GALNTL6: variants seen among roughly 807,000 people sequenced by gnomAD.
The protein encoded by GALNTL6 is polypeptide N-acetylgalactosaminyltransferase-like 6.
In GALNTL6, 46 loss-of-function variants were observed where a neutral mutation model predicts 73.7. That is an observed-to-expected ratio of 0.62 (90% CI 0.49 to 0.80). The LOEUF (loss-of-function observed/expected upper bound fraction) is 0.80. GALNTL6 is among the 30% of genes least tolerant of loss of function. GALNTL6 has a pLI of 0.00. For synonymous variants in GALNTL6, 259 were observed against 263.7 expected, an observed-to-expected ratio of 0.98 and a Z score of 0.17; for missense variants, 604 against 755.0, an observed-to-expected ratio of 0.80 and a Z score of 2.34.
intron 5 of GALNTL6, among the ~76,000 whole-genome samples, chr4:172,351,587 T>G (rs1323123565): frequency 6.6e-6 from 1 of 152,160 alleles, no homozygotes; most frequent in Non-Finnish European, 1.5e-5. Flanking sequence ...TTTATTCTGA[T>G]GCATCTGTAG....
chr4:171,821,012 G>C (rs1734664057), intron 2 of GALNTL6, among the ~76,000 whole-genome samples: 1 of 151,558 alleles, frequency 6.6e-6, no homozygotes, highest in Non-Finnish European at 1.5e-5. Flanking sequence ...TTTTAGTGAG[G>C]TGGCCTTTCC....
chr4:172,922,899 T>C (rs1314465522), intron 8 of GALNTL6, among the ~76,000 whole-genome samples: 2 of 152,136 alleles, frequency 1.3e-5, no homozygotes, highest in Non-Finnish European at 2.9e-5. Flanking sequence ...CAAGTGTTAT[T>C]GTTAGAGTAG....
At chr4:172,485,187 CT>C (rs1451788105) in intron 5 of GALNTL6, among the ~76,000 whole-genome samples, 2 of 152,034 alleles carry the variant, frequency 1.3e-5, no homozygotes, top group African/African-American at 4.8e-5. Flanking sequence ...CGTATTGTCT[CT>C]AGTTTTCTAC....
At chr4:171,950,543 C>T (rs568388054) in intron 2 of GALNTL6, among the ~76,000 whole-genome samples, 13 of 147,706 alleles carry the variant, frequency 8.8e-5, no homozygotes, top group African/African-American at 2.5e-4. Flanking sequence ...TGCAGTGGCT[C>T]GATCTTGGCT....
At chr4:172,067,286 A>C (rs1251582200) in intron 2 of GALNTL6, among the ~76,000 whole-genome samples, 1 of 152,026 alleles carries the variant, frequency 6.6e-6, no homozygotes, top group Admixed American at 6.6e-5. Flanking sequence ...CAGTCTTCTA[A>C]ATATTGAGGT....
At chr4:172,895,990 G>A (rs145411869) in intron 8 of GALNTL6, among the ~76,000 whole-genome samples, 26 of 152,084 alleles carry the variant, frequency 1.7e-4, no homozygotes, top group African/African-American at 4.3e-4. Context: ...CAATCTCTCC[G>A]TTAAATTTCT....
chr4:172,175,845 T>G (rs2110834402), intron 2 of GALNTL6, among the ~76,000 whole-genome samples: 1 of 152,320 alleles, frequency 6.6e-6, no homozygotes, highest in Non-Finnish European at 1.5e-5. Context: ...CTTGTCTCAC[T>G]TTCTTTCCCT....
chr4:172,597,670 G>A (rs1269091748), intron 5 of GALNTL6, among the ~76,000 whole-genome samples: 4 of 152,094 alleles, frequency 2.6e-5, no homozygotes, highest in African/African-American at 9.7e-5. Flanking sequence ...TTCATAATGA[G>A]AAAATCTCTA....
intron 3 of GALNTL6, among the ~76,000 whole-genome samples, chr4:172,250,094 C>G (rs1167908534): frequency 1.3e-5 from 2 of 152,124 alleles, no homozygotes; most frequent in African/African-American, 4.8e-5. Context: ...GAGCTGTACC[C>G]TGCAAAGCCG....
At chr4:172,477,702 G>A (rs1044303449) in intron 5 of GALNTL6, among the ~76,000 whole-genome samples, 34 of 152,120 alleles carry the variant, frequency 2.2e-4, no homozygotes, top group African/African-American at 8.2e-4. Flanking sequence ...TAACAAAACA[G>A]GAGAGTAAAC....
chr4:171,972,332 A>T (rs919677048), intron 2 of GALNTL6, among the ~76,000 whole-genome samples: 1 of 152,168 alleles, frequency 6.6e-6, no homozygotes, highest in African/African-American at 2.4e-5. Flanking sequence ...ATATTTCATA[A>T]ATCATTTCAA....
chr4:172,513,171 T>C lies in GALNTL6; in HGVS notation c.553+164482T>C, dbSNP rs183971711. Among the ~76,000 whole-genome samples the C allele has an allele frequency of 1.1e-4, 17 of 152,300 alleles. No individual in the cohort carries two copies. The East Asian group carries it at 3.3e-3, about 29-fold the overall frequency. On this transcript the variant is annotated intron_variant, in intron 5 of 12. Transcript: ENST00000506823. ...TTTTTTAATTCTTCTTTCTTTGTCT[T>C]TGTCAGATGAAATTAATTGAAAAGC...
intron 5 of GALNTL6, among the ~76,000 whole-genome samples, chr4:172,661,244 C>T (rs1460365440): frequency 7.2e-5 from 11 of 152,166 alleles, no homozygotes; most frequent in African/African-American, 2.7e-4. Context: ...TCTCCACCCC[C>T]TACCCCACAA....
intron 3 of GALNTL6, among the ~76,000 whole-genome samples, chr4:172,249,948 C>T (rs986330424): frequency 2.0e-5 from 3 of 152,286 alleles, no homozygotes; most frequent in South Asian, 4.1e-4. Context: ...CCCACTAGGG[C>T]ACTGCCTAGT....
intron 7 of GALNTL6, among the ~76,000 whole-genome samples, chr4:172,871,625 TG>T (rs1744944046): frequency 6.7e-6 from 1 of 149,142 alleles, no homozygotes; most frequent in South Asian, 2.1e-4. Context: ...TGTGTGTGTG[TG>T]TGTGTGTGTG....
At chr4:171,985,759 C>T (rs1333011133) in intron 2 of GALNTL6, among the ~76,000 whole-genome samples, 4 of 137,816 alleles carry the variant, frequency 2.9e-5, no homozygotes, top group Admixed American at 1.4e-4. Flanking sequence ...TATATATATG[C>T]TTTTTCAAAG....
intron 5 of GALNTL6, among the ~76,000 whole-genome samples, chr4:172,579,719 A>G (rs1737098262): frequency 6.6e-6 from 1 of 152,110 alleles, no homozygotes; most frequent in Admixed American, 6.5e-5. Context: ...AGCAAGGTTC[A>G]AAGTTTGAGA....
intron 2 of GALNTL6, among the ~76,000 whole-genome samples, chr4:172,138,652 C>T (rs1199837926): frequency 6.8e-6 from 1 of 146,678 alleles, no homozygotes; most frequent in Non-Finnish European, 1.5e-5. Context: ...GCCTCAGCCT[C>T]CCGAGTAGCT....
intron 2 of GALNTL6, among the ~76,000 whole-genome samples, chr4:171,986,276 G>A (rs530025994): frequency 3.3e-5 from 5 of 151,810 alleles, no homozygotes; most frequent in Non-Finnish European, 1.5e-5. Flanking sequence ...ACAGTCAAAG[G>A]GGGGGTGTTC....
Sources: gnomAD v4.1 joint callset for allele counts (sites outside exome capture counted in the v4.1 genomes callset) on GRCh38, gnomAD v4.1.1 for gene constraint, MANE v1.5 for transcripts, NCBI Gene and HGNC (gene_info 2026-07-23, HGNC 2026-07-21) for gene names.